The following CTDSPL2 variants were observed in gnomAD, a reference collection of about 807,000 sequenced individuals.
CTDSPL2 encodes CTD small phosphatase like 2.
CTDSPL2 carries 5 observed loss-of-function variants against 60.0 expected under a neutral mutation model. That is an observed-to-expected ratio of 0.08 (90% CI 0.04 to 0.18). The LOEUF is 0.18. CTDSPL2 is among the 10% of genes least tolerant of loss of function. The pLI is 1.00. For synonymous variants in CTDSPL2, 186 were observed against 189.3 expected (o/e 0.98, Z 0.14); for missense variants, 370 against 548.8 (o/e 0.67, Z 3.26).
At chr15:44,457,122 C>T (rs940835590) in intron 1 of CTDSPL2, among the ~76,000 whole-genome samples, 1 of 152,200 alleles carries the variant, frequency 6.6e-6, no homozygotes. Flanking sequence ...AGCCATCTAC[C>T]TGCCTTGGCC....
chr15:44,524,035 G>A (rs1395508285), intron 12 of CTDSPL2, 74 bp from the exon 13 acceptor site: 11 of 1,159,474 alleles, frequency 9.5e-6, no homozygotes, highest in Non-Finnish European at 1.4e-5. Flanking sequence ...TCTCTGCAAG[G>A]TAAGAATGTA....
intron 2 of CTDSPL2, among the ~76,000 whole-genome samples, chr15:44,483,262 CAAAAA>C (rs764227469): frequency 1.3e-5 from 1 of 78,276 alleles, no homozygotes; most frequent in Non-Finnish European, 2.7e-5. Context: ...GACTCTGTCT[CAAAAA>C]AAAAAAAAAG....
chr15:44,517,857 C>A (rs925112101), intron 10 of CTDSPL2, among the ~76,000 whole-genome samples: 3 of 152,172 alleles, frequency 2.0e-5, no homozygotes, highest in Non-Finnish European at 4.4e-5. Flanking sequence ...CCAACCAAGG[C>A]TTGAATTAAT....
chr15:44,438,228 C>A (rs1202635196), intron 1 of CTDSPL2, among the ~76,000 whole-genome samples: 1 of 149,670 alleles, frequency 6.7e-6, no homozygotes, highest in African/African-American at 2.5e-5. Context: ...CGCGCCACTG[C>A]GCTCCAGCCT....
chr15:44,502,337 T>A (rs965161605), intron 8 of CTDSPL2, among the ~76,000 whole-genome samples: 10 of 151,916 alleles, frequency 6.6e-5, no homozygotes, highest in African/African-American at 2.4e-4. Context: ...TTATTTTACG[T>A]TTTTTTTCTT....
chr15:44,477,329 TC>T (rs2080938712), intron 2 of CTDSPL2, among the ~76,000 whole-genome samples: 1 of 151,572 alleles, frequency 6.6e-6, no homozygotes, highest in South Asian at 2.1e-4. Flanking sequence ...TCTCAGGAGT[TC>T]CAGACCAGCC....
At chr15:44,451,070 G>T (rs985156348) in intron 1 of CTDSPL2, among the ~76,000 whole-genome samples, 2 of 152,046 alleles carry the variant, frequency 1.3e-5, no homozygotes, top group African/African-American at 4.8e-5. Flanking sequence ...AATTATGGGA[G>T]ATTTTATTTC....
chr15:44,496,724 G>A (rs1490530315), intron 6 of CTDSPL2, among the ~76,000 whole-genome samples: 1 of 152,102 alleles, frequency 6.6e-6, no homozygotes, highest in Non-Finnish European at 1.5e-5. Context: ...GGCCGGACAC[G>A]GTGGCACATG....
intron 4 of CTDSPL2, among the ~76,000 whole-genome samples, chr15:44,489,386 C>T (rs2081179778): frequency 1.3e-5 from 2 of 152,056 alleles, no homozygotes; most frequent in African/African-American, 4.8e-5. Flanking sequence ...CGAAGTCTAA[C>T]TAGATGAGGA....
intron 12 of CTDSPL2, among the ~76,000 whole-genome samples, chr15:44,523,388 CTACATACATACATACATACATACATACA>C (rs61461067): frequency 9.0e-5 from 13 of 145,114 alleles, no homozygotes; most frequent in South Asian, 2.3e-4. Flanking sequence ...GACCTCATCT[CTACATACATACATACATACATACATACA>C]TACATACATA....
intron 1 of CTDSPL2, among the ~76,000 whole-genome samples, chr15:44,428,554 G>C (rs2079794031): frequency 6.6e-6 from 1 of 152,180 alleles, no homozygotes; most frequent in Non-Finnish European, 1.5e-5. Flanking sequence ...ACACTTCAGC[G>C]TACCTTAGGG....
Position 44,435,169 on chromosome 15 carries a change from A to C in CTDSPL2, c.-25+7397A>C, listed in dbSNP as rs181760124. 1.7e-4 allele frequency among the ~76,000 whole-genome samples: 26 copies of C among 149,516 alleles called. No homozygotes were observed. In the East Asian group the frequency reaches 4.9e-3, roughly 28 times the overall value. On this transcript the variant is annotated intron_variant, in intron 1 of 12. Coordinates refer to ENST00000260327, the MANE Select transcript of CTDSPL2 (RefSeq NM_016396.3). ...CAGCCACGGGGGCTGAGGCAGGAGA[A>C]TTGCATGAACCCGGGAGGCAGAGGT... is the stretch of plus-strand genomic sequence containing the variant.
At chr15:44,460,270 C>T (rs1733478828) in intron 2 of CTDSPL2, among the ~76,000 whole-genome samples, 1 of 152,070 alleles carries the variant, frequency 6.6e-6, no homozygotes, top group Non-Finnish European at 1.5e-5. Context: ...GCCACCACAC[C>T]AGCTAATTTT....
chr15:44,522,913 C>A (rs1029775695), intron 12 of CTDSPL2, among the ~76,000 whole-genome samples: 1 of 152,118 alleles, frequency 6.6e-6, no homozygotes, highest in Non-Finnish European at 1.5e-5. Context: ...AAGTAGAATT[C>A]CCTTTTACCT....
intron 5 of CTDSPL2, among the ~76,000 whole-genome samples, chr15:44,494,047 A>G (rs1406623160): frequency 1.3e-5 from 2 of 152,112 alleles, no homozygotes; most frequent in Admixed American, 1.3e-4. Context: ...ATTATCTACC[A>G]TTTCATTTCT....
chr15:44,516,430 TAAAG>T (rs1490468640), intron 10 of CTDSPL2, among the ~76,000 whole-genome samples: 1 of 152,230 alleles, frequency 6.6e-6, no homozygotes, highest in Non-Finnish European at 1.5e-5. Context: ...TTATTCTAAA[TAAAG>T]CTGTGGTATC....
intron 2 of CTDSPL2, among the ~76,000 whole-genome samples, chr15:44,468,048 T>C (rs2080732017): frequency 6.6e-6 from 1 of 152,170 alleles, no homozygotes; most frequent in African/African-American, 2.4e-5. Context: ...GGGATTAAGA[T>C]TAAGCTGGTG....
intron 5 of CTDSPL2, among the ~76,000 whole-genome samples, chr15:44,491,976 G>A (rs2081222251): frequency 1.3e-5 from 2 of 151,934 alleles, no homozygotes; most frequent in African/African-American, 4.8e-5. Context: ...CGATTCGCCT[G>A]TCTCAGCCTC....
chr15:44,513,047 G>A lies in CTDSPL2; in HGVS notation c.970-1551G>A, dbSNP rs545451443. The stretch of plus-strand genomic sequence containing the variant: ...AGATGACGCCACTGCATTCCAGCCT[G>A]GGGGAAAGAGCAAGACTCCTTCTCA... On this transcript the variant is annotated intron_variant, in intron 8 of 12. Transcript: ENST00000260327. Among the ~76,000 whole-genome samples the A allele has an allele frequency of 1.9e-4, 28 of 151,298 alleles. No individual in the cohort carries two copies. In the South Asian group the frequency reaches 5.9e-3, roughly 32 times the overall value.
Sources: allele counts gnomAD v4.1 joint callset (sites outside exome capture counted in the v4.1 genomes callset), GRCh38; gene constraint gnomAD v4.1.1; transcripts MANE v1.5; gene names NCBI Gene and HGNC (gene_info 2026-07-23, HGNC 2026-07-21).